AGBL1: variants seen among roughly 807,000 people sequenced by gnomAD.
The protein encoded by AGBL1 is cytosolic carboxypeptidase 4.
Under a neutral mutation model 118.9 loss-of-function variants are expected in AGBL1, and 130 were observed. That is an observed-to-expected ratio of 1.09 (90% CI 0.95 to 1.26). The LOEUF is 1.26. Among genes scored for constraint, AGBL1 ranks in the 50% most tolerant of loss-of-function variants. The pLI, the probability that AGBL1 is intolerant of heterozygous loss-of-function variation, is 0.00. For missense variants in AGBL1, 1,584 were observed against 1,298.1 expected (o/e 1.22, Z -3.38); for synonymous variants, 555 against 478.9 (o/e 1.16, Z -2.08).
chr15:86,982,496 A>G (rs1361852985), intron 23 of AGBL1, among the ~76,000 whole-genome samples: 3 of 151,570 alleles, frequency 2.0e-5, no homozygotes, highest in Non-Finnish European at 4.4e-5. Flanking sequence ...ATTTACTTAT[A>G]CATGGATTCT....
At chr15:86,481,133 A>C (rs2082646741) in intron 18 of AGBL1, among the ~76,000 whole-genome samples, 2 of 18,624 alleles carry the variant, frequency 1.1e-4, no homozygotes, top group African/African-American at 1.4e-3. Context: ...AATGAGAGCA[A>C]AAAAAAAAAA....
intron 21 of AGBL1, among the ~76,000 whole-genome samples, chr15:86,575,963 A>G (rs1230837428): frequency 6.6e-6 from 1 of 152,252 alleles, no homozygotes; most frequent in Non-Finnish European, 1.5e-5. Flanking sequence ...TACATATACA[A>G]GAAAGTCATT....
At chr15:86,706,623 A>G (rs948328038) in intron 22 of AGBL1, among the ~76,000 whole-genome samples, 2 of 152,296 alleles carry the variant, frequency 1.3e-5, no homozygotes, top group African/African-American at 2.4e-5. Flanking sequence ...AGAAAAAGCT[A>G]TTAAATTTAA....
intron 5 of AGBL1, among the ~76,000 whole-genome samples, chr15:86,200,084 T>C (rs979768677): frequency 2.0e-5 from 3 of 152,232 alleles, no homozygotes; most frequent in Admixed American, 2.0e-4. Context: ...TTAATTGTTA[T>C]ACACGTGTCT....
At chr15:86,322,938 CT>C (rs1256484547) in intron 17 of AGBL1, among the ~76,000 whole-genome samples, 4 of 152,082 alleles carry the variant, frequency 2.6e-5, no homozygotes, top group African/African-American at 9.7e-5. Context: ...TGAGTACCAG[CT>C]TTTTGCAGTG....
intron 5 of AGBL1, among the ~76,000 whole-genome samples, chr15:86,205,429 T>G (rs1403304457): frequency 6.6e-6 from 1 of 152,250 alleles, no homozygotes; most frequent in Non-Finnish European, 1.5e-5. Context: ...TGTGCAGATT[T>G]TCATGTGGAG....
chr15:86,425,286 G>A (rs1461847653), intron 18 of AGBL1, among the ~76,000 whole-genome samples: 2 of 150,688 alleles, frequency 1.3e-5, no homozygotes, highest in African/African-American at 4.9e-5. Flanking sequence ...AACTAACACA[G>A]AAACAAAAAA....
At chr15:86,113,105 G>A (rs988519633) in intron 1 of AGBL1, among the ~76,000 whole-genome samples, 5 of 152,088 alleles carry the variant, frequency 3.3e-5, no homozygotes, top group Admixed American at 3.3e-4. Flanking sequence ...TGGGACTGGG[G>A]CAGATTTTAG....
intron 17 of AGBL1, among the ~76,000 whole-genome samples, chr15:86,382,087 A>G (rs1200074399): frequency 6.6e-6 from 1 of 152,138 alleles, no homozygotes; most frequent in Non-Finnish European, 1.5e-5. Context: ...GCCCTGCCAC[A>G]TTTCCAGAAG....
chr15:86,647,768 A>T (rs538216837), intron 21 of AGBL1, among the ~76,000 whole-genome samples: 1 of 152,304 alleles, frequency 6.6e-6, no homozygotes, highest in South Asian at 2.1e-4. Flanking sequence ...AATCATATAG[A>T]TTACTAGAAG....
chr15:86,626,312 G>A (rs933984890), intron 21 of AGBL1, among the ~76,000 whole-genome samples: 1 of 152,168 alleles, frequency 6.6e-6, no homozygotes, highest in African/African-American at 2.4e-5. Flanking sequence ...ATACACCATG[G>A]AATACCATGC....
intron 23 of AGBL1, among the ~76,000 whole-genome samples, chr15:86,980,498 C>T (rs568897860): frequency 6.6e-6 from 1 of 152,236 alleles, no homozygotes; most frequent in African/African-American, 2.4e-5. Context: ...CCTGGGAAGC[C>T]TAATCCTCTG....
At chr15:86,190,756 C>T (rs566618862) in intron 5 of AGBL1, among the ~76,000 whole-genome samples, 66 of 152,240 alleles carry the variant, frequency 4.3e-4, no homozygotes, top group East Asian at 1.2e-3. Context: ...GATAATTTAA[C>T]GACATTTATG....
chr15:86,853,201 G>A (rs553170817), intron 22 of AGBL1, among the ~76,000 whole-genome samples: 1 of 152,204 alleles, frequency 6.6e-6, no homozygotes, highest in East Asian at 1.9e-4. Flanking sequence ...ATTTCTCCTT[G>A]GTATGCCAAA....
At chr15:86,811,736 A>T (rs2078793386) in intron 22 of AGBL1, among the ~76,000 whole-genome samples, 1 of 152,226 alleles carries the variant, frequency 6.6e-6, no homozygotes, top group Non-Finnish European at 1.5e-5. Flanking sequence ...TACAAAAAGA[A>T]AGTTACAGTT....
At chr15:86,972,074 C>T (rs970719425) in intron 23 of AGBL1, among the ~76,000 whole-genome samples, 18 of 152,108 alleles carry the variant, frequency 1.2e-4, no homozygotes, top group East Asian at 3.9e-4. Context: ...TATAAATTAT[C>T]CTCTCAGGCA....
intron 18 of AGBL1, among the ~76,000 whole-genome samples, chr15:86,405,596 C>T (rs779822939): frequency 5.9e-5 from 9 of 151,984 alleles, no homozygotes; most frequent in East Asian, 1.9e-4. Flanking sequence ...TCATACGTAA[C>T]GAAATTCCTA....
chr15:86,749,120 T>C (rs1258090531), intron 22 of AGBL1, among the ~76,000 whole-genome samples: 1 of 152,224 alleles, frequency 6.6e-6, no homozygotes, highest in Non-Finnish European at 1.5e-5. Context: ...ATTTTCACGA[T>C]ATTGATTCTT....
intron 22 of AGBL1, among the ~76,000 whole-genome samples, chr15:86,847,053 G>A (rs1197078709): frequency 6.6e-6 from 1 of 151,704 alleles, no homozygotes; most frequent in Non-Finnish European, 1.5e-5. Flanking sequence ...TTCTACTATT[G>A]AGTTCCTTTA....
Sources: gnomAD v4.1 joint callset for allele counts (sites outside exome capture counted in the v4.1 genomes callset) on GRCh38, gnomAD v4.1.1 for gene constraint, MANE v1.5 for transcripts, NCBI Gene and HGNC (gene_info 2026-07-23, HGNC 2026-07-21) for gene names.